LPP: variants seen among roughly 807,000 people sequenced by gnomAD.
The protein encoded by LPP is lipoma-preferred partner.
A neutral mutation model predicts 60.4 loss-of-function variants in LPP; 38 were observed. That is an observed-to-expected ratio of 0.63 (90% confidence interval 0.49 to 0.83). LPP has a LOEUF of 0.83. LPP is among the 40% of genes least tolerant of loss of function. LPP has a pLI of 0.00. For synonymous variants in LPP, 328 were observed against 290.8 expected, an observed-to-expected ratio of 1.13 and a Z score of -1.30; for missense variants, 902 against 783.6, an observed-to-expected ratio of 1.15 and a Z score of -1.80.
rs565079033 is a variant in LPP, at chr3:188,272,667, G to A, written c.-67+47140G>A. Among the ~76,000 whole-genome samples, 12 of 152,250 alleles carry A rather than the reference G, an allele frequency of 7.9e-5. No individual in the cohort carries two copies. The South Asian group carries it at 1.0e-3, about 13-fold the overall frequency. On this transcript the variant is annotated intron_variant, in intron 2 of 11. Transcript: ENST00000617246. Reference sequence around the variant, plus strand: ...ATGAATCAGGATGCTGGGGTTCTGTGATAGACTCTACAAATAGTTTACAAG... The same window carrying A: ...ATGAATCAGGATGCTGGGGTTCTGTAATAGACTCTACAAATAGTTTACAAG...
chr3:188,609,133 T>C lies in LPP; in HGVS notation c.430-28T>C. 1.3e-6 allele frequency: 2 copies of C among 1,519,348 alleles called. No homozygotes were observed. The highest frequency in any genetic ancestry group is 1.8e-6 in the Non-Finnish European group (2 of 1,127,460). The allele number at this position is 1,519,348 out of a possible 1,614,324, so 94.1% of individuals were successfully genotyped here. ...CGTTGGCAGTAATTTTTGCTTTCTTTCTTTCTTTTTTTTCCTATTCTTTTT... is the reference window on the plus strand; with the variant it reads ...CGTTGGCAGTAATTTTTGCTTTCTTCCTTTCTTTTTTTTCCTATTCTTTTT... On this transcript the variant is annotated intron_variant, in intron 6 of 11. Transcript: ENST00000617246. The surrounding 1 kb of genome is among the most constrained non-coding windows in gnomAD (Gnocchi z 6.9).
intron 9 of LPP, among the ~76,000 whole-genome samples, chr3:188,780,165 G>A (rs766857490): frequency 1.3e-5 from 2 of 152,080 alleles, no homozygotes; most frequent in Non-Finnish European, 2.9e-5. Flanking sequence ...GGAGAGTTCC[G>A]ACGAGGTACA....
chr3:188,743,997 A>G (rs529985929), intron 8 of LPP, among the ~76,000 whole-genome samples: 1 of 152,182 alleles, frequency 6.6e-6, no homozygotes, highest in South Asian at 2.1e-4. Context: ...TAGAAATTGG[A>G]TGATGTCAGA....
chr3:188,201,850 T>G (rs1731181253), intron 1 of LPP, among the ~76,000 whole-genome samples: 1 of 152,078 alleles, frequency 6.6e-6, no homozygotes, highest in African/African-American at 2.4e-5. Context: ...AAAACTGTCT[T>G]TCTCCAAAGG....
intron 7 of LPP, among the ~76,000 whole-genome samples, chr3:188,670,731 T>C (rs1033460358): frequency 7.2e-5 from 11 of 152,154 alleles, no homozygotes; most frequent in African/African-American, 2.7e-4. Context: ...ATTTGAAGAT[T>C]ATACTTATTT....
At chr3:188,272,016 A>G (rs923461451) in intron 2 of LPP, among the ~76,000 whole-genome samples, 3 of 152,132 alleles carry the variant, frequency 2.0e-5, no homozygotes, top group African/African-American at 7.2e-5. Context: ...GGAAGCTGCT[A>G]TAACACAGCC....
At chr3:188,360,181 C>T (rs998260966) in intron 3 of LPP, among the ~76,000 whole-genome samples, 5 of 152,156 alleles carry the variant, frequency 3.3e-5, no homozygotes, top group African/African-American at 7.2e-5. Context: ...TTTGAAGGAA[C>T]GCTTTTCAAA....
chr3:188,685,403 G>A (rs925495009), intron 7 of LPP, among the ~76,000 whole-genome samples: 1 of 152,156 alleles, frequency 6.6e-6, no homozygotes, highest in Non-Finnish European at 1.5e-5. Context: ...TGGTTGAATT[G>A]AGAGAAGAGC....
At chr3:188,516,436 A>C (rs993147926) in intron 5 of LPP, among the ~76,000 whole-genome samples, 2 of 152,104 alleles carry the variant, frequency 1.3e-5, no homozygotes, top group African/African-American at 4.8e-5. Flanking sequence ...TTAAATAGAA[A>C]TGTTACTGTC....
At chr3:188,558,896 C>G (rs1830065139) in intron 6 of LPP, among the ~76,000 whole-genome samples, 1 of 152,056 alleles carries the variant, frequency 6.6e-6, no homozygotes, top group African/African-American at 2.4e-5. Flanking sequence ...GTCCAAGCAG[C>G]ACTGCTTTTG....
chr3:188,197,280 T>C (rs1729802060), intron 1 of LPP, among the ~76,000 whole-genome samples: 1 of 152,140 alleles, frequency 6.6e-6, no homozygotes. Context: ...TCTGCAGGAC[T>C]GAAGGATATT....
chr3:188,611,130 T>C (rs1843633132), intron 7 of LPP, among the ~76,000 whole-genome samples: 1 of 152,204 alleles, frequency 6.6e-6, no homozygotes, highest in South Asian at 2.1e-4. Context: ...TTTCACATTC[T>C]ATAGGGGAAT....
intron 5 of LPP, among the ~76,000 whole-genome samples, chr3:188,523,413 CAGAT>C (rs1354129282): frequency 1.3e-5 from 2 of 152,146 alleles, no homozygotes; most frequent in Admixed American, 6.5e-5. Flanking sequence ...TTCTTTTACA[CAGAT>C]AGTTAAATAA....
At chr3:188,202,646 G>T (rs1731398006) in intron 1 of LPP, among the ~76,000 whole-genome samples, 1 of 152,334 alleles carries the variant, frequency 6.6e-6, no homozygotes, top group South Asian at 2.1e-4. Flanking sequence ...TGGCAGCCGC[G>T]TGCGTTCCCT....
At chr3:188,164,753 T>C (rs1719425006) in intron 1 of LPP, among the ~76,000 whole-genome samples, 1 of 152,182 alleles carries the variant, frequency 6.6e-6, no homozygotes, top group South Asian at 2.1e-4. Context: ...CTGGAGAATA[T>C]CTAGGGTTCC....
chr3:188,380,661 A>G (rs914176245), intron 3 of LPP, among the ~76,000 whole-genome samples: 7 of 152,194 alleles, frequency 4.6e-5, no homozygotes, highest in Non-Finnish European at 8.8e-5. Context: ...CATGGTTCAA[A>G]TGTTATTAAA....
rs1390639771 is a variant in LPP, at chr3:188,251,016, G to A, written c.-67+25489G>A. Among the ~76,000 whole-genome samples the A allele has an allele frequency of 7.6e-3, 350 of 46,198 alleles. 19 individuals are homozygous for A. Among genetic ancestry groups the A allele is most frequent in the African/African-American group, 0.034 (330 of 9,590 alleles). 30.3% of individuals were successfully genotyped at this position (46,198 alleles called of 152,430 possible). A position where few individuals can be genotyped will look rare whatever the true frequency, so the allele number is the denominator to read the frequency against. On this transcript the variant is annotated intron_variant, in intron 2 of 11. Transcript: ENST00000617246. ...GCCCTCCCCCCCTGCCCTCCCCCCCGCCCTCCCCCCTTCCCTCCCCTTTTC... is the reference window on the plus strand; with the variant it reads ...GCCCTCCCCCCCTGCCCTCCCCCCCACCCTCCCCCCTTCCCTCCCCTTTTC...
intron 9 of LPP, among the ~76,000 whole-genome samples, chr3:188,810,038 A>G (rs964330956): frequency 2.0e-5 from 3 of 152,072 alleles, no homozygotes; most frequent in African/African-American, 4.8e-5. Flanking sequence ...CCATTGGTCT[A>G]TCAGTACTCT....
chr3:188,884,580 C>T lies in LPP; in HGVS notation c.*10101C>T, dbSNP rs1020250577. 4.3e-6 allele frequency: 1 copy of T among 230,362 alleles called. No homozygotes were observed. Among genetic ancestry groups the T allele is most frequent in the Admixed American group, 5.7e-5 (1 of 17,670 alleles). The allele number at this position is 230,362 out of a possible 1,614,324, so 14.3% of individuals were successfully genotyped here. A position where few individuals can be genotyped will look rare whatever the true frequency, so the allele number is the denominator to read the frequency against. On this transcript the variant is annotated 3_prime_UTR_variant, in exon 12 of 12. Transcript: ENST00000617246. ...GAAGGAAGCACATTGCAATAAATTT[C>T]CCCAGAGAGAGTTCCTTTACATTCC...
Sources: allele counts gnomAD v4.1 joint callset (sites outside exome capture counted in the v4.1 genomes callset), GRCh38; gene constraint gnomAD v4.1.1; non-coding constraint Gnocchi (gnomAD v3.1); transcripts MANE v1.5; gene names NCBI Gene and HGNC (gene_info 2026-07-23, HGNC 2026-07-21).